NPAS3: variants seen among roughly 807,000 people sequenced by gnomAD.
NPAS3 encodes neuronal PAS domain protein 3, also known as neuronal PAS domain-containing protein 3.
In NPAS3, 14 loss-of-function variants were observed where a neutral mutation model predicts 73.1. The observed-to-expected ratio is 0.19, with a 90% CI of 0.13 to 0.30. The LOEUF (loss-of-function observed/expected upper bound fraction) is 0.30, where lower values mean the gene tolerates loss of function less well. Ranked by LOEUF, NPAS3 falls within the 10% of genes least tolerant of loss-of-function variation. The pLI, the probability that NPAS3 is intolerant of heterozygous loss-of-function variation, is 1.00. For missense variants in NPAS3, 1,096 were observed against 1,250.0 expected, an observed-to-expected ratio of 0.88 and a Z score of 1.86; for synonymous variants, 620 against 541.5, an observed-to-expected ratio of 1.14 and a Z score of -2.01.
rs192725807 is a variant in NPAS3, at chr14:32,940,810, A to C, written c.50+1444A>C. Among the ~76,000 whole-genome samples the C allele has an allele frequency of 1.5e-3, 227 of 152,314 alleles. 1 individual carries two copies. The highest frequency in any genetic ancestry group is 5.0e-3 in the African/African-American group (208 of 41,572). ...TATTGTACTGTTGCTTATTTCTTTC[A>C]TACGATAGGGAAGGCACAATTGTCA... On this transcript the variant is annotated intron_variant, in intron 1 of 11. Transcript: ENST00000356141.
chr14:33,378,767 C>T lies in NPAS3; in HGVS notation c.468+11499C>T, dbSNP rs186077071. 3.6e-3 allele frequency among the ~76,000 whole-genome samples: 545 copies of T among 152,308 alleles called. 1 individual carries two copies. Among genetic ancestry groups the T allele is most frequent in the Middle Eastern group, 0.027 (8 of 294 alleles). The stretch of plus-strand genomic sequence containing the variant: ...GGGGAGGAGAAAAACCCAGTGATTT[C>T]ATTATGATCAGGCAGAATTTGTTTG... On this transcript the variant is annotated intron_variant, in intron 4 of 11. Transcript: ENST00000356141.
intron 6 of NPAS3, among the ~76,000 whole-genome samples, chr14:33,734,446 G>T (rs1410259761): frequency 6.6e-6 from 1 of 152,132 alleles, no homozygotes; most frequent in Non-Finnish European, 1.5e-5. Flanking sequence ...ATTCTACTTA[G>T]TCTAAAAGTA....
chr14:33,606,138 C>T (rs918282229), intron 5 of NPAS3, among the ~76,000 whole-genome samples: 13 of 151,490 alleles, frequency 8.6e-5, no homozygotes, highest in African/African-American at 1.5e-4. Context: ...TTGTTACATA[C>T]GTATACATGT....
chr14:33,290,348 T>G (rs1358058355), intron 3 of NPAS3, among the ~76,000 whole-genome samples: 1 of 152,202 alleles, frequency 6.6e-6, no homozygotes, highest in Non-Finnish European at 1.5e-5. Flanking sequence ...ACAGGGGTTA[T>G]TACCCCTAGG....
chr14:33,314,364 A>G (rs2043125148), intron 3 of NPAS3, among the ~76,000 whole-genome samples: 1 of 152,060 alleles, frequency 6.6e-6, no homozygotes, highest in Non-Finnish European at 1.5e-5. Context: ...TAGGAGCTAC[A>G]CAGACTAGGT....
chr14:32,986,673 T>C (rs1190257672), intron 1 of NPAS3, among the ~76,000 whole-genome samples: 3 of 152,262 alleles, frequency 2.0e-5, no homozygotes, highest in Non-Finnish European at 4.4e-5. Flanking sequence ...GGCATAATTG[T>C]AAAAATTATT....
chr14:33,602,661 G>C (rs968916030), intron 5 of NPAS3, among the ~76,000 whole-genome samples: 3 of 152,112 alleles, frequency 2.0e-5, no homozygotes, highest in African/African-American at 7.2e-5. Context: ...TGGCATTATG[G>C]GTTTGTTGGT....
chr14:32,982,332 C>A (rs913940209), intron 1 of NPAS3, among the ~76,000 whole-genome samples: 2 of 152,204 alleles, frequency 1.3e-5, no homozygotes, highest in Admixed American at 1.3e-4. Flanking sequence ...CACTGTTGTA[C>A]TGGGGATTAA....
intron 2 of NPAS3, among the ~76,000 whole-genome samples, chr14:33,068,001 C>G (rs1367833857): frequency 2.6e-5 from 4 of 152,146 alleles, no homozygotes; most frequent in Admixed American, 1.3e-4. Context: ...ATTATTTCAG[C>G]CTAGATTGTT....
chr14:33,654,396 C>T (rs1456389877), intron 5 of NPAS3, among the ~76,000 whole-genome samples: 1 of 152,084 alleles, frequency 6.6e-6, no homozygotes, highest in African/African-American at 2.4e-5. Flanking sequence ...TTCTGATTTG[C>T]CAGTGTTAAC....
Position 33,225,058 on chromosome 14 carries a change from C to G in NPAS3, c.385+9632C>G, listed in dbSNP as rs559218479. Among the ~76,000 whole-genome samples, 502 of 152,266 alleles carry G rather than the reference C, an allele frequency of 3.3e-3. 6 individuals carry two copies. The highest frequency in any genetic ancestry group is 0.012 in the African/African-American group (482 of 41,562). ...TGGAAACTTGTTATTTCCCACTTTC[C>G]TGCCTTTCTAACTGGTCAATATTGA... On this transcript the variant is annotated intron_variant, in intron 3 of 11. Coordinates refer to ENST00000356141, the Ensembl canonical transcript of NPAS3.
chr14:33,434,075 C>T (rs976841635), intron 4 of NPAS3, among the ~76,000 whole-genome samples: 3 of 152,018 alleles, frequency 2.0e-5, no homozygotes, highest in African/African-American at 7.2e-5. Flanking sequence ...GCCTGTAATC[C>T]CAGTGACTCA....
chr14:33,691,923 G>C (rs2060247031), intron 6 of NPAS3, among the ~76,000 whole-genome samples: 1 of 152,126 alleles, frequency 6.6e-6, no homozygotes, highest in Non-Finnish European at 1.5e-5. Flanking sequence ...GCCACAATTT[G>C]TCAAATCTGC....
At chr14:33,769,764 T>TC (rs201143767) in intron 7 of NPAS3, among the ~76,000 whole-genome samples, 52 of 130,322 alleles carry the variant, frequency 4.0e-4, no homozygotes, top group South Asian at 8.3e-4. Flanking sequence ...TTCTTTTTTT[T>TC]TTTTTTTTTT....
At chr14:33,757,486 GA>G (rs1168917407) in intron 7 of NPAS3, among the ~76,000 whole-genome samples, 1 of 152,112 alleles carries the variant, frequency 6.6e-6, no homozygotes, top group Non-Finnish European at 1.5e-5. Context: ...GATACTCTAG[GA>G]AGATGAATCT....
At position 32,955,848 on chromosome 14, in the gene NPAS3, G is replaced by C. The variant is rs2036651337; in HGVS notation, c.50+16482G>C. Among the ~76,000 whole-genome samples the C allele has an allele frequency of 2.0e-5, 3 of 152,020 alleles. No individual in the cohort carries two copies. The South Asian group carries it at 6.2e-4, about 32-fold the overall frequency. ...CAGATGTAAAAAAGAAATTAATAGA[G>C]AAATATAAGCATTTTTCAATATGTA... On this transcript the variant is annotated intron_variant, in intron 1 of 11. Transcript: ENST00000356141.
At chr14:33,404,461 T>C (rs1350046019) in intron 4 of NPAS3, among the ~76,000 whole-genome samples, 1 of 152,070 alleles carries the variant, frequency 6.6e-6, no homozygotes, top group Non-Finnish European at 1.5e-5. Context: ...CTGTAATGGG[T>C]ACTTCATTTT....
chr14:33,094,451 C>G (rs1009331640), intron 2 of NPAS3, among the ~76,000 whole-genome samples: 2 of 151,190 alleles, frequency 1.3e-5, no homozygotes, highest in African/African-American at 4.9e-5. Context: ...TTATCTTACT[C>G]AACTGTATGA....
chr14:33,471,508 G>A (rs894410159), intron 4 of NPAS3, among the ~76,000 whole-genome samples: 2 of 152,036 alleles, frequency 1.3e-5, no homozygotes, highest in Non-Finnish European at 2.9e-5. Context: ...TTTTTGCCCT[G>A]GCTCTTTTAC....
Sources: allele counts gnomAD v4.1 joint callset (sites outside exome capture counted in the v4.1 genomes callset), GRCh38; gene constraint gnomAD v4.1.1; transcripts MANE v1.5; gene names NCBI Gene and HGNC (gene_info 2026-07-23, HGNC 2026-07-21).